The following AVL9 variants were observed in gnomAD, a reference collection of about 807,000 sequenced individuals.
AVL9 encodes the protein AVL9 cell migration associated, also known as late secretory pathway protein AVL9 homolog.
Under a neutral mutation model 79.2 loss-of-function variants are expected in AVL9, and 49 were observed. The ratio of observed to expected loss-of-function variants is 0.62; its 90% CI spans 0.49 to 0.79. AVL9 has a LOEUF of 0.79. Among genes scored for constraint, AVL9 ranks in the 30% least tolerant of loss-of-function variants. The probability of loss-of-function intolerance (pLI) is 0.00; values close to 1 mark genes in which losing one functional copy is unlikely to be tolerated. For synonymous variants in AVL9, 299 were observed against 280.6 expected, an observed-to-expected ratio of 1.07 and a Z score of -0.65; for missense variants, 682 against 776.8, an observed-to-expected ratio of 0.88 and a Z score of 1.45.
At chr7:32,540,250 A>G (rs995983979) in intron 1 of AVL9, among the ~76,000 whole-genome samples, 2 of 152,212 alleles carry the variant, frequency 1.3e-5, no homozygotes, top group Non-Finnish European at 2.9e-5. Context: ...ACATTTTTGT[A>G]TGTATCTGAA....
chr7:32,509,156 T>TGA (rs1787541247), intron 1 of AVL9, among the ~76,000 whole-genome samples: 2 of 152,160 alleles, frequency 1.3e-5, no homozygotes, highest in South Asian at 4.1e-4. Context: ...AGCAGCTAAC[T>TGA]GAGAGGGAGG....
intron 3 of AVL9, among the ~76,000 whole-genome samples, chr7:32,548,525 C>CT (rs1369425645): frequency 6.6e-6 from 1 of 152,182 alleles, no homozygotes; most frequent in African/African-American, 2.4e-5. Context: ...TAACCAGAAT[C>CT]AACAGTGATT....
intron 1 of AVL9, among the ~76,000 whole-genome samples, chr7:32,498,565 C>G (rs972203299): frequency 6.6e-6 from 1 of 151,688 alleles, no homozygotes; most frequent in Non-Finnish European, 1.5e-5. Context: ...AAAATTCCTT[C>G]ATTTGAATTT....
Position 32,556,533 on chromosome 7 carries a change from A to ATGAATGAG in AVL9, c.609+1944_609+1945insGTGAATGA, listed in dbSNP as rs557143712. On this transcript the variant is annotated intron_variant, in intron 8 of 15. Transcript: ENST00000318709. ...CATCTCAAAGTAAATGAATGAATGAATGAATGAATGAGTATTCCTTCAAAC... is the reference window on the plus strand; with the variant it reads ...CATCTCAAAGTAAATGAATGAATGAATGAATGAGTGAATGAATGAGTATTCCTTCAAAC... Among the ~76,000 whole-genome samples, 179 of 152,260 alleles carry ATGAATGAG rather than the reference A, an allele frequency of 1.2e-3. 1 individual carries two copies. The South Asian group carries it at 0.014, about 12-fold the overall frequency.
intron 10 of AVL9, among the ~76,000 whole-genome samples, chr7:32,569,064 T>C (rs1203861942): frequency 6.6e-6 from 1 of 152,176 alleles, no homozygotes; most frequent in Non-Finnish European, 1.5e-5. Flanking sequence ...ATAAAGAATA[T>C]CAAGTTGCAA....
Position 32,574,614 on chromosome 7 carries a change from T to C in AVL9, c.1570+1196T>C, listed in dbSNP as rs1307136334. ...AACATTAAATATATGCAGGGACCAG[T>C]GTTCTGAGCACTTTACATCTAGTAA... On this transcript the variant is annotated intron_variant, in intron 12 of 15. Transcript: ENST00000318709. Among the ~76,000 whole-genome samples the C allele has an allele frequency of 1.3e-5, 2 of 152,086 alleles. 1 individual carries two copies. The highest frequency in any genetic ancestry group is 3.9e-4 in the East Asian group (2 of 5,184).
chr7:32,559,308 CCAGA>C lies in AVL9; in HGVS notation c.1062_1065del (p.Thr355IlefsTer26). ...AAGAAAGGGAACAGCTGGGATCAGA[CCAGA>C]CAAATTTGTTTCCAAAGGACTCTGT... On this transcript the variant is annotated frameshift_variant, in exon 10 of 16. Transcript: ENST00000318709. LOFTEE classifies it high-confidence loss of function. 1 of 1,614,166 alleles carries C rather than the reference CCAGA, an allele frequency of 6.2e-7. No individual in the cohort carries two copies. The highest frequency in any genetic ancestry group is 8.5e-7 in the Non-Finnish European group (1 of 1,180,028).
intron 1 of AVL9, among the ~76,000 whole-genome samples, chr7:32,519,194 C>T (rs1012119035): frequency 1.6e-4 from 25 of 152,146 alleles, no homozygotes; most frequent in East Asian, 9.7e-4. Context: ...TTTGGGAGGC[C>T]GAGGCGGGTG....
chr7:32,583,925 G>A lies in AVL9; in HGVS notation c.*18G>A, dbSNP rs753919297. Reference sequence around the variant, plus strand: ...AGCCTTGAGCAAGGCGTCAGAGGCTGCTATTGCTTTCTGAGGTTTAAGTGT... The same window carrying A: ...AGCCTTGAGCAAGGCGTCAGAGGCTACTATTGCTTTCTGAGGTTTAAGTGT... On this transcript the variant is annotated 3_prime_UTR_variant, in exon 16 of 16. Coordinates refer to ENST00000318709, the MANE Select transcript of AVL9 (RefSeq NM_015060.3). 33 of 1,575,642 alleles carry A rather than the reference G, an allele frequency of 2.1e-5. No homozygotes were observed. Among genetic ancestry groups the A allele is most frequent in the South Asian group, 2.2e-5 (2 of 90,170 alleles).
intron 1 of AVL9, among the ~76,000 whole-genome samples, chr7:32,541,516 CT>C (rs1789207167): frequency 6.6e-6 from 1 of 151,694 alleles, no homozygotes; most frequent in Non-Finnish European, 1.5e-5. Context: ...GAATTGGTAA[CT>C]TTTTTAACTC....
intron 1 of AVL9, among the ~76,000 whole-genome samples, chr7:32,524,012 C>T (rs1019478063): frequency 6.6e-6 from 1 of 150,950 alleles, no homozygotes. Context: ...GGATTACAGG[C>T]GTGAGCCCCT....
At chr7:32,521,100 A>G (rs887427876) in intron 1 of AVL9, among the ~76,000 whole-genome samples, 6 of 152,170 alleles carry the variant, frequency 3.9e-5, no homozygotes, top group African/African-American at 1.4e-4. Flanking sequence ...TAGTCCAATT[A>G]AATTTTTTTT....
rs753729282 is a variant in AVL9, at chr7:32,583,852, C to G, written c.1892C>G (p.Thr631Ser). 6.2e-7 allele frequency: 1 copy of G among 1,614,144 alleles called. No individual in the cohort carries two copies. The highest frequency in any genetic ancestry group is 8.5e-7 in the Non-Finnish European group (1 of 1,180,018). ...ACAGCTATGTCTTCATGGCTTTCCACTTTCACCACTTCCACCTCCCAAAGT... is the reference window on the plus strand; with the variant it reads ...ACAGCTATGTCTTCATGGCTTTCCAGTTTCACCACTTCCACCTCCCAAAGT... ...AKTAMSSWLS[T>S]FTTSTSQSLT... The change falls in exon 16 of 16, where the codon ACT becomes AGT. Residue 631 changes from threonine (T) to serine (S), a missense_variant. Coordinates refer to ENST00000318709, the MANE Select transcript of AVL9 (RefSeq NM_015060.3).
chr7:32,533,450 C>T (rs1000063447), intron 1 of AVL9: 6 of 152,150 alleles, frequency 3.9e-5, no homozygotes, highest in Admixed American at 1.3e-4. Context: ...GAGTGTAAAG[C>T]GCAGCTGTTT....
chr7:32,497,450 T>C (rs1464911639), intron 1 of AVL9, among the ~76,000 whole-genome samples: 2 of 152,182 alleles, frequency 1.3e-5, no homozygotes, highest in African/African-American at 4.8e-5. Flanking sequence ...GAGGCTTTAA[T>C]TAAAGTATGT....
chr7:32,521,775 C>T (rs1178687049), intron 1 of AVL9, among the ~76,000 whole-genome samples: 1 of 152,116 alleles, frequency 6.6e-6, no homozygotes, highest in Non-Finnish European at 1.5e-5. Flanking sequence ...AGACCTTCAC[C>T]ACAGCCCCTC....
At chr7:32,507,989 CTT>C (rs1283250440) in intron 1 of AVL9, among the ~76,000 whole-genome samples, 1 of 152,120 alleles carries the variant, frequency 6.6e-6, no homozygotes, top group Non-Finnish European at 1.5e-5. Context: ...AGGCTGGACA[CTT>C]TTTTATAGGT....
At chr7:32,563,561 A>G (rs17161414) in intron 10 of AVL9, among the ~76,000 whole-genome samples, 14,126 of 149,146 alleles carry the variant, frequency 0.095, 776 homozygotes, top group African/African-American at 0.15. Flanking sequence ...AATTCTTGCC[A>G]TCTGTGATCT....
intron 13 of AVL9, 86 bp downstream of exon 13, chr7:32,576,158 TA>T: frequency 1.1e-6 from 1 of 891,896 alleles, no homozygotes; most frequent in Non-Finnish European, 1.8e-6. Context: ...TTAACTTTGA[TA>T]TTGTGAATAT....
Sources: allele counts gnomAD v4.1 joint callset (sites outside exome capture counted in the v4.1 genomes callset), GRCh38; gene constraint gnomAD v4.1.1; transcripts MANE v1.5; gene names NCBI Gene and HGNC (gene_info 2026-07-23, HGNC 2026-07-21).